Variants in NELL1 observed in about 807,000 individuals in gnomAD.
NELL1 encodes the protein neural EGFL like 1.
A neutral mutation model predicts 107.4 loss-of-function variants in NELL1; 76 were observed. The ratio of observed to expected loss-of-function variants is 0.71; its 90% CI spans 0.59 to 0.86. The LOEUF is 0.86. NELL1 is among the 40% of genes least tolerant of loss of function. The probability of loss-of-function intolerance (pLI) is 0.00; values close to 1 mark genes in which losing one functional copy is unlikely to be tolerated. For synonymous variants in NELL1, 353 were observed against 341.2 expected, an observed-to-expected ratio of 1.03 and a Z score of -0.38; for missense variants, 1,024 against 1,005.5, an observed-to-expected ratio of 1.02 and a Z score of -0.25.
At chr11:20,999,134 C>T (rs1384347712) in intron 12 of NELL1, among the ~76,000 whole-genome samples, 1 of 152,144 alleles carries the variant, frequency 6.6e-6, no homozygotes, top group African/African-American at 2.4e-5. Flanking sequence ...TGATGGATAT[C>T]AAATGCTGGG....
intron 13 of NELL1, among the ~76,000 whole-genome samples, chr11:21,226,960 A>G (rs1021600338): frequency 3.9e-5 from 6 of 152,196 alleles, no homozygotes; most frequent in Admixed American, 2.6e-4. Flanking sequence ...GTACATTTGT[A>G]GGACAGCAAA....
intron 15 of NELL1, among the ~76,000 whole-genome samples, chr11:21,377,040 T>C (rs1851497527): frequency 6.6e-6 from 1 of 152,112 alleles, no homozygotes. Context: ...TTTTATTTCT[T>C]CCTCTTGCCA....
intron 15 of NELL1, among the ~76,000 whole-genome samples, chr11:21,381,444 A>T (rs1338577009): frequency 6.6e-6 from 1 of 151,998 alleles, no homozygotes; most frequent in Non-Finnish European, 1.5e-5. Flanking sequence ...AGAGATGTTG[A>T]TATTACTTAC....
At chr11:21,032,206 C>G (rs4923282) in intron 12 of NELL1, among the ~76,000 whole-genome samples, 21,181 of 151,930 alleles carry the variant, frequency 0.14, 1,544 homozygotes, top group South Asian at 0.19. Flanking sequence ...TGCATTGCCC[C>G]TACTCCCCCA....
intron 15 of NELL1, among the ~76,000 whole-genome samples, chr11:21,378,351 G>GA (rs1851529647): frequency 6.6e-6 from 1 of 150,992 alleles, no homozygotes; most frequent in Non-Finnish European, 1.5e-5. Flanking sequence ...TTTTTGACAA[G>GA]AAAAACACTT....
At chr11:20,714,391 A>C (rs903778563) in intron 2 of NELL1, among the ~76,000 whole-genome samples, 2 of 150,662 alleles carry the variant, frequency 1.3e-5, no homozygotes, top group East Asian at 3.9e-4. Context: ...TAGTTTTAGT[A>C]GAGACAGAGT....
rs939072042 is a variant in NELL1, at chr11:21,155,488, G to C, written c.1426+41774G>C. Among the ~76,000 whole-genome samples, 6 of 152,136 alleles carry C rather than the reference G, an allele frequency of 3.9e-5. No individual in the cohort carries two copies. The East Asian group carries it at 1.2e-3, about 29-fold the overall frequency. On this transcript the variant is annotated intron_variant, in intron 13 of 19. Transcript: ENST00000357134. ...GTTTAAGGAAAAGTATGTAGCCAAG[G>C]AAACTGAGAAGTAGTTAAGAGGTAG...
chr11:21,475,998 C>T (rs1854323829), intron 15 of NELL1, among the ~76,000 whole-genome samples: 1 of 152,094 alleles, frequency 6.6e-6, no homozygotes, highest in Non-Finnish European at 1.5e-5. Context: ...ACCTTAAAAT[C>T]CTGATACATT....
intron 15 of NELL1, among the ~76,000 whole-genome samples, chr11:21,417,250 T>G (rs950271540): frequency 7.9e-5 from 12 of 152,074 alleles, no homozygotes; most frequent in African/African-American, 2.9e-4. Flanking sequence ...TTTATAATAA[T>G]AATTATTGTC....
chr11:21,149,739 A>C (rs1245969864), intron 13 of NELL1, among the ~76,000 whole-genome samples: 2 of 152,206 alleles, frequency 1.3e-5, no homozygotes, highest in Non-Finnish European at 2.9e-5. Context: ...AATAGGCGTA[A>C]ATAAATGGGA....
At chr11:21,395,268 G>A (rs1324541917) in intron 15 of NELL1, among the ~76,000 whole-genome samples, 1 of 151,492 alleles carries the variant, frequency 6.6e-6, no homozygotes, top group African/African-American at 2.4e-5. Flanking sequence ...TTTGAAACTA[G>A]TCAGAATTTC....
At chr11:21,052,541 C>T (rs930213500) in intron 12 of NELL1, among the ~76,000 whole-genome samples, 2 of 152,022 alleles carry the variant, frequency 1.3e-5, no homozygotes, top group African/African-American at 2.4e-5. Flanking sequence ...AAACATTTAT[C>T]GAGTAATCTT....
chr11:21,176,895 A>G (rs1485398484), intron 13 of NELL1, among the ~76,000 whole-genome samples: 4 of 151,742 alleles, frequency 2.6e-5, no homozygotes, highest in Admixed American at 2.0e-4. Context: ...AGGGATGTTA[A>G]TGCACTCCTG....
At chr11:21,475,112 A>G (rs1854292930) in intron 15 of NELL1, among the ~76,000 whole-genome samples, 1 of 152,202 alleles carries the variant, frequency 6.6e-6, no homozygotes, top group African/African-American at 2.4e-5. Flanking sequence ...AGGAAAAAAA[A>G]GCTAAAAGCA....
At chr11:21,462,998 G>A (rs1853937067) in intron 15 of NELL1, among the ~76,000 whole-genome samples, 6 of 151,980 alleles carry the variant, frequency 3.9e-5, no homozygotes, top group Admixed American at 6.6e-5. Flanking sequence ...GGAAAGCATC[G>A]TAGTTTCAAA....
At chr11:20,808,254 A>G (rs2134010060) in intron 3 of NELL1, among the ~76,000 whole-genome samples, 1 of 152,020 alleles carries the variant, frequency 6.6e-6, no homozygotes, top group Non-Finnish European at 1.5e-5. Flanking sequence ...TCGGTCCTTT[A>G]TTTCAAGTCA....
chr11:20,970,154 G>C (rs960055173), intron 12 of NELL1, among the ~76,000 whole-genome samples: 5 of 151,846 alleles, frequency 3.3e-5, no homozygotes, highest in African/African-American at 1.2e-4. Flanking sequence ...AGTTTGTGTA[G>C]AGTCATTGTG....
intron 15 of NELL1, among the ~76,000 whole-genome samples, chr11:21,417,103 T>C (rs1852537101): frequency 6.6e-6 from 1 of 152,024 alleles, no homozygotes; most frequent in Non-Finnish European, 1.5e-5. Context: ...CTATTAAATG[T>C]GTGGACATGT....
chr11:20,879,135 AG>A (rs1426628487), intron 4 of NELL1, among the ~76,000 whole-genome samples: 2 of 152,050 alleles, frequency 1.3e-5, no homozygotes, highest in Non-Finnish European at 2.9e-5. Flanking sequence ...GATGGGCCCA[AG>A]GGTACTAGGA....
Sources: allele counts gnomAD v4.1 joint callset (sites outside exome capture counted in the v4.1 genomes callset), GRCh38; gene constraint gnomAD v4.1.1; transcripts MANE v1.5; gene names NCBI Gene and HGNC (gene_info 2026-07-23, HGNC 2026-07-21).